SRFBP1: variants seen among roughly 807,000 people sequenced by gnomAD.
The protein encoded by SRFBP1 is serum response factor binding protein 1.
Under a neutral mutation model 45.5 loss-of-function variants are expected in SRFBP1, and 47 were observed. The ratio of observed to expected loss-of-function variants is 1.03; its 90% CI spans 0.82 to 1.32. The LOEUF (loss-of-function observed/expected upper bound fraction) is 1.32. Ranked by LOEUF, SRFBP1 falls within the 40% of genes most tolerant of loss-of-function variation. SRFBP1 has a pLI of 0.00. For missense variants in SRFBP1, 621 were observed against 484.6 expected (o/e 1.28, Z -2.64); for synonymous variants, 203 against 166.3 (o/e 1.22, Z -1.70).
Position 121,974,061 on chromosome 5 carries a change from TC to T in SRFBP1, c.37-134del, listed in dbSNP as rs368316455. 1.2e-3 allele frequency: 658 copies of T among 570,402 alleles called. 16 individuals carry two copies. The South Asian group carries it at 0.015, about 13-fold the overall frequency. The allele number at this position is 570,402 out of a possible 1,614,324, so 35.3% of individuals were successfully genotyped here. A position where few individuals can be genotyped will look rare whatever the true frequency, so the allele number is the denominator to read the frequency against. Reference sequence around the variant, plus strand: ...TATTTATGGAAGAGGTTTGATTTCATCAAGCTACGAATATAGTTAGACAATA... The same window carrying T: ...TATTTATGGAAGAGGTTTGATTTCATAAGCTACGAATATAGTTAGACAATA... On this transcript the variant is annotated intron_variant, in intron 1 of 7. Transcript: ENST00000339397.
intron 1 of SRFBP1, among the ~76,000 whole-genome samples, chr5:121,966,664 A>G (rs1039913874): frequency 1.3e-5 from 2 of 152,268 alleles, no homozygotes; most frequent in African/African-American, 4.8e-5. Flanking sequence ...TTTAGGCAGC[A>G]GTGATATGTA....
chr5:121,991,691 T>C (rs963697377), intron 3 of SRFBP1, among the ~76,000 whole-genome samples: 63 of 152,192 alleles, frequency 4.1e-4, no homozygotes, highest in African/African-American at 1.5e-3. Flanking sequence ...AAAAAAGTCT[T>C]AGTTTCTCAT....
At chr5:122,021,798 T>C (rs1024722337) in intron 6 of SRFBP1, among the ~76,000 whole-genome samples, 3 of 147,854 alleles carry the variant, frequency 2.0e-5, no homozygotes, top group Admixed American at 6.8e-5. Context: ...TGCCTCAGCC[T>C]CCTGAGTAGC....
intron 2 of SRFBP1, among the ~76,000 whole-genome samples, chr5:122,034,241 C>G (rs544097104): frequency 1.3e-5 from 2 of 152,184 alleles, no homozygotes; most frequent in Non-Finnish European, 2.9e-5. Context: ...TAAGCCCTTT[C>G]ACATGTGTTA....
intron 2 of SRFBP1, among the ~76,000 whole-genome samples, chr5:122,038,875 C>G (rs956270367): frequency 7.9e-5 from 12 of 152,074 alleles, no homozygotes; most frequent in African/African-American, 2.7e-4. Context: ...GGCTCCCAAA[C>G]TTTCTCAGGG....
At chr5:121,965,384 G>A (rs548815296) in intron 1 of SRFBP1, among the ~76,000 whole-genome samples, 2 of 152,094 alleles carry the variant, frequency 1.3e-5, no homozygotes, top group Non-Finnish European at 1.5e-5. Flanking sequence ...TAAGGAAGGG[G>A]TCCAGTTTCA....
chr5:121,996,222 TTAGA>T (rs1752725524), intron 4 of SRFBP1, among the ~76,000 whole-genome samples: 2 of 141,816 alleles, frequency 1.4e-5, no homozygotes, highest in Non-Finnish European at 3.0e-5. Flanking sequence ...AAAGAGAATT[TTAGA>T]CCAATATCCT....
intron 2 of SRFBP1, among the ~76,000 whole-genome samples, chr5:122,072,749 C>G (rs1343109937): frequency 6.6e-6 from 1 of 152,052 alleles, no homozygotes; most frequent in African/African-American, 2.4e-5. Flanking sequence ...AGATGATTAA[C>G]AAGAAAGCTA....
At chr5:122,059,882 G>A (rs1754144415) in intron 2 of SRFBP1, among the ~76,000 whole-genome samples, 1 of 152,138 alleles carries the variant, frequency 6.6e-6, no homozygotes, top group African/African-American at 2.4e-5. Flanking sequence ...GATGGTGAAG[G>A]TGGTCAGTGG....
downstream of SRFBP1, among the ~76,000 whole-genome samples, chr5:122,030,204 C>T (rs1055308367): frequency 6.6e-6 from 1 of 152,184 alleles, no homozygotes; most frequent in African/African-American, 2.4e-5. Flanking sequence ...CAGAATCAAC[C>T]TTTCAGAACT....
chr5:122,048,130 G>A (rs148288009), intron 2 of SRFBP1, among the ~76,000 whole-genome samples: 1 of 151,982 alleles, frequency 6.6e-6, no homozygotes, highest in Non-Finnish European at 1.5e-5. Context: ...TGCCAGTTTT[G>A]AAAGGGAATG....
chr5:122,052,179 AT>A (rs752242029), intron 2 of SRFBP1, among the ~76,000 whole-genome samples: 1 of 151,900 alleles, frequency 6.6e-6, no homozygotes, highest in Non-Finnish European at 1.5e-5. Flanking sequence ...TGGCTTTAAC[AT>A]TTTTTCTTTC....
chr5:122,042,762 C>T (rs1422045364), intron 2 of SRFBP1, among the ~76,000 whole-genome samples: 5 of 152,048 alleles, frequency 3.3e-5, no homozygotes, highest in African/African-American at 1.2e-4. Context: ...CTCTTTTCGA[C>T]CTTTTCAAAA....
chr5:122,077,592 A>G, downstream of SRFBP1: 1 of 1,612,574 alleles, frequency 6.2e-7, no homozygotes, highest in East Asian at 2.2e-5. This position sits in a 1 kb window ranked among gnomAD's most constrained non-coding sequence, Gnocchi z 4.9. Context: ...CGGGCTCTAG[A>G]TGTCGAGTAG....
intron 2 of SRFBP1, chr5:122,063,462 A>G (rs972930826): frequency 6.6e-6 from 1 of 151,930 alleles, no homozygotes; most frequent in African/African-American, 2.4e-5. Flanking sequence ...ATGTTTATAT[A>G]CCACAAGCTA....
chr5:122,013,713 C>T (rs934994966), intron 4 of SRFBP1, among the ~76,000 whole-genome samples: 4 of 152,034 alleles, frequency 2.6e-5, no homozygotes, highest in Non-Finnish European at 5.9e-5. Context: ...GTTTTTAGTT[C>T]AGGATTACAA....
downstream of SRFBP1, chr5:122,077,882 G>C (rs757946184): frequency 2.0e-6 from 3 of 1,536,092 alleles, no homozygotes; most frequent in Non-Finnish European, 2.6e-6. This position sits in a 1 kb window ranked among gnomAD's most constrained non-coding sequence, Gnocchi z 4.9. Flanking sequence ...AGCCGCCGGC[G>C]GCTCGCGCGG....
chr5:122,003,335 C>T (rs1327709725), intron 4 of SRFBP1, among the ~76,000 whole-genome samples: 4 of 148,642 alleles, frequency 2.7e-5, no homozygotes. Flanking sequence ...AGAGTGAGAC[C>T]CTGTCTCAGA....
At chr5:122,032,659 T>A (rs1196582649), downstream of SRFBP1, among the ~76,000 whole-genome samples, 4 of 152,256 alleles carry the variant, frequency 2.6e-5, no homozygotes, top group Non-Finnish European at 5.9e-5. Flanking sequence ...TATAAGAATT[T>A]ACTAAACCAC....
Sources: allele counts gnomAD v4.1 joint callset (sites outside exome capture counted in the v4.1 genomes callset), GRCh38; gene constraint gnomAD v4.1.1; non-coding constraint Gnocchi (gnomAD v3.1); transcripts MANE v1.5; gene names NCBI Gene and HGNC (gene_info 2026-07-23, HGNC 2026-07-21).